The following PLCB4 variants were observed in gnomAD, a reference collection of about 807,000 sequenced individuals.
The protein encoded by PLCB4 is phospholipase C beta 4.
In PLCB4, 77 loss-of-function variants were observed where a neutral mutation model predicts 178.8. The observed-to-expected ratio is 0.43, with a 90% CI of 0.36 to 0.52. The LOEUF (loss-of-function observed/expected upper bound fraction) is 0.52, where lower values mean the gene tolerates loss of function less well. PLCB4 is among the 20% of genes least tolerant of loss of function. PLCB4 has a pLI of 0.00. For missense variants in PLCB4, 1,024 were observed against 1,453.4 expected (o/e 0.70, Z 4.80); for synonymous variants, 496 against 490.8 (o/e 1.01, Z -0.14).
chr20:9,277,162 C>T (rs1419423610), intron 3 of PLCB4, among the ~76,000 whole-genome samples: 2 of 151,988 alleles, frequency 1.3e-5, no homozygotes, highest in African/African-American at 2.4e-5. Context: ...ATGTTAGCTA[C>T]AGGGTATAAC....
intron 5 of PLCB4, among the ~76,000 whole-genome samples, chr20:9,337,452 T>G (rs2032616346): frequency 6.6e-6 from 1 of 152,192 alleles, no homozygotes; most frequent in Admixed American, 6.5e-5. Context: ...TTGAATGTTG[T>G]GAAAGAGAAC....
chr20:9,389,842 T>C (rs2148407226), intron 15 of PLCB4, 37 bp from the exon 16 acceptor site: 1 of 1,191,826 alleles, frequency 8.4e-7, no homozygotes, highest in Non-Finnish European at 1.2e-6. Context: ...ATTTTTTTGC[T>C]CTTTTCTCTC....
chr20:9,139,735 A>G (rs2092450456), intron 2 of PLCB4, among the ~76,000 whole-genome samples: 1 of 152,036 alleles, frequency 6.6e-6, no homozygotes, highest in Admixed American at 6.6e-5. Flanking sequence ...AGAAGGCCCA[A>G]CATGTTCCAC....
intron 2 of PLCB4, among the ~76,000 whole-genome samples, chr20:9,195,991 C>G (rs1259184706): frequency 1.3e-5 from 2 of 152,076 alleles, no homozygotes; most frequent in Admixed American, 1.3e-4. Context: ...TTCAGACAAC[C>G]TTGCATCAGA....
chr20:9,350,986 G>A (rs2148156841), intron 7 of PLCB4, among the ~76,000 whole-genome samples: 1 of 152,326 alleles, frequency 6.6e-6, no homozygotes, highest in African/African-American at 2.4e-5. Context: ...TTATCTGTGG[G>A]AGCTATAGTC....
In PLCB4 at chr20:9,153,306, C is replaced by G. The variant is rs183159261; in HGVS notation, c.-79+56964C>G. ...GAATGATTTTGTTTGCCTGTGTCCC[C>G]ATCCAAAACTCAACTTGAATTGTGT... On this transcript the variant is annotated intron_variant, in intron 2 of 39. Transcript: ENST00000378473. Among the ~76,000 whole-genome samples, 550 of 152,222 alleles carry G rather than the reference C, an allele frequency of 3.6e-3. 2 individuals are homozygous for G. Among genetic ancestry groups the G allele is most frequent in the Non-Finnish European group, 4.5e-3 (304 of 68,016 alleles).
At chr20:9,282,028 T>C (rs1286221104) in intron 3 of PLCB4, among the ~76,000 whole-genome samples, 1 of 152,040 alleles carries the variant, frequency 6.6e-6, no homozygotes, top group Non-Finnish European at 1.5e-5. Flanking sequence ...CTGATTCTTA[T>C]ATATCACATA....
chr20:9,308,723 T>C (rs1226761154), intron 4 of PLCB4, among the ~76,000 whole-genome samples: 1 of 152,206 alleles, frequency 6.6e-6, no homozygotes, highest in African/African-American at 2.4e-5. Context: ...TGAGCTGACA[T>C]AGCTTAATAC....
chr20:9,471,583 GAA>G (rs1445931001), intron 36 of PLCB4, among the ~76,000 whole-genome samples: 1 of 152,164 alleles, frequency 6.6e-6, no homozygotes, highest in African/African-American at 2.4e-5. Context: ...TGAAAATGGA[GAA>G]AACCTGAACA....
chr20:9,181,658 A>G (rs990424023), intron 2 of PLCB4, among the ~76,000 whole-genome samples: 3 of 152,004 alleles, frequency 2.0e-5, no homozygotes, highest in Non-Finnish European at 4.4e-5. Context: ...TTCTTTTATA[A>G]TGCTGTAAAT....
Position 9,204,658 on chromosome 20 carries a change from C to T in PLCB4, c.-78-12732C>T, listed in dbSNP as rs556556231. 1.3e-3 allele frequency among the ~76,000 whole-genome samples: 193 copies of T among 152,152 alleles called. 2 individuals carry two copies. Among genetic ancestry groups the T allele is most frequent in the Middle Eastern group, 0.01 (3 of 294 alleles). On this transcript the variant is annotated intron_variant, in intron 2 of 39. Coordinates refer to ENST00000378473, the MANE Select transcript of PLCB4 (RefSeq NM_001377142.1). ...GATTACAGGCATGAGCCACCGCGCC[C>T]GGCCGCTCTAAGACTTTCATTATGA...
chr20:9,166,498 C>T (rs1272789061), intron 2 of PLCB4: 1 of 152,172 alleles, frequency 6.6e-6, no homozygotes, highest in East Asian at 1.9e-4. Flanking sequence ...GGGTGGGACT[C>T]TGCGTGAAAG....
At chr20:9,437,987 A>C (rs1322961843) in intron 30 of PLCB4, among the ~76,000 whole-genome samples, 1 of 152,220 alleles carries the variant, frequency 6.6e-6, no homozygotes, top group Non-Finnish European at 1.5e-5. Context: ...TTTCTCAGGA[A>C]GTAAAGCGCT....
chr20:9,188,471 G>A (rs1038074627), intron 2 of PLCB4, among the ~76,000 whole-genome samples: 14 of 151,978 alleles, frequency 9.2e-5, no homozygotes, highest in East Asian at 1.9e-4. Context: ...TTTCAGCCTC[G>A]ACACTAGTGA....
chr20:9,303,087 C>G (rs1451551043), intron 3 of PLCB4, among the ~76,000 whole-genome samples: 1 of 152,092 alleles, frequency 6.6e-6, no homozygotes, highest in Non-Finnish European at 1.5e-5. Context: ...TAACACTTAG[C>G]TCCCTGTAGT....
chr20:9,194,637 G>A (rs1304292938), intron 2 of PLCB4, among the ~76,000 whole-genome samples: 1 of 145,896 alleles, frequency 6.9e-6, no homozygotes, highest in African/African-American at 2.6e-5. Context: ...AGCTTGCAGT[G>A]AGTGGAGATT....
At chr20:9,234,597 T>C (rs1601345846) in intron 3 of PLCB4, among the ~76,000 whole-genome samples, 1 of 152,110 alleles carries the variant, frequency 6.6e-6, no homozygotes, top group East Asian at 1.9e-4. Context: ...AGATGATTGA[T>C]GGAGTCAGAA....
intron 25 of PLCB4, among the ~76,000 whole-genome samples, chr20:9,419,458 A>G (rs2040475550): frequency 6.6e-6 from 1 of 152,238 alleles, no homozygotes; most frequent in Non-Finnish European, 1.5e-5. Context: ...GAGGTAGAAT[A>G]TCACATATTT....
At chr20:9,444,304 A>C in intron 32 of PLCB4, 61 bp downstream of exon 32, 1 of 1,010,838 alleles carries the variant, frequency 9.9e-7, no homozygotes, top group Non-Finnish European at 1.5e-6. Context: ...GTAGCCAAAA[A>C]CACTACTTTG....
Sources: allele counts gnomAD v4.1 joint callset (sites outside exome capture counted in the v4.1 genomes callset), GRCh38; gene constraint gnomAD v4.1.1; transcripts MANE v1.5; gene names NCBI Gene and HGNC (gene_info 2026-07-23, HGNC 2026-07-21).